Variants in KLHL7 observed in about 807,000 individuals in gnomAD.
KLHL7 encodes kelch like family member 7.
Under a neutral mutation model 67.4 loss-of-function variants are expected in KLHL7, and 44 were observed. That is an observed-to-expected ratio of 0.65 (90% confidence interval 0.51 to 0.84). The LOEUF (loss-of-function observed/expected upper bound fraction) is 0.84. Ranked by LOEUF, KLHL7 falls within the 40% of genes least tolerant of loss-of-function variation. KLHL7 has a pLI of 0.00. For missense variants in KLHL7, 362 were observed against 718.1 expected (o/e 0.50, Z 5.67); for synonymous variants, 252 against 243.3 (o/e 1.04, Z -0.33).
intron 6 of KLHL7, among the ~76,000 whole-genome samples, chr7:23,147,177 C>T (rs1784385953): frequency 6.6e-6 from 1 of 151,760 alleles, no homozygotes; most frequent in African/African-American, 2.4e-5. Context: ...GCAACCTCCA[C>T]CTCCTGGGTT....
chr7:23,129,130 A>T (rs1463880383), intron 4 of KLHL7: 3 of 163,628 alleles, frequency 1.8e-5, no homozygotes, highest in African/African-American at 7.2e-5. Context: ...CACAGGTCAG[A>T]CGAAAGCCCT....
At chr7:23,108,511 A>G (rs948453550) in intron 1 of KLHL7, among the ~76,000 whole-genome samples, 1 of 152,218 alleles carries the variant, frequency 6.6e-6, no homozygotes, top group Admixed American at 6.5e-5. Flanking sequence ...CAACAAGACG[A>G]GAACATGACC....
At chr7:23,127,991 A>G (rs1171870132) in intron 4 of KLHL7, among the ~76,000 whole-genome samples, 3 of 145,980 alleles carry the variant, frequency 2.1e-5, no homozygotes, top group Non-Finnish European at 4.5e-5. Flanking sequence ...TTAACCGGGC[A>G]TGGTTGTGCG....
At position 23,105,948 on chromosome 7, in the gene KLHL7, T is replaced by G; in HGVS notation, c.-79T>G. On this transcript the variant is annotated 5_prime_UTR_variant, in exon 1 of 11. Transcript: ENST00000339077. ...ACTGCCGATCGCCGTGTTTGGTCGA[T>G]AGAATCCCCAGTGTGCCCAGAGAGT... is the stretch of plus-strand genomic sequence containing the variant. 6.4e-7 allele frequency: 1 copy of G among 1,560,810 alleles called. No individual in the cohort carries two copies. The highest frequency in any genetic ancestry group is 8.6e-7 in the Non-Finnish European group (1 of 1,157,382).
At chr7:23,116,741 G>A (rs1278004169) in intron 1 of KLHL7, among the ~76,000 whole-genome samples, 4 of 152,146 alleles carry the variant, frequency 2.6e-5, no homozygotes, top group African/African-American at 7.2e-5. Flanking sequence ...TTGTGGGGAT[G>A]TCCAGCATAT....
At chr7:23,129,387 G>T in intron 4 of KLHL7, 1 of 385,644 alleles carries the variant, frequency 2.6e-6, no homozygotes, top group Non-Finnish European at 5.2e-6. Flanking sequence ...CCCAAATGAT[G>T]TTACGACTCG....
intron 1 of KLHL7, among the ~76,000 whole-genome samples, chr7:23,117,536 G>C (rs529189544): frequency 4.5e-4 from 68 of 152,116 alleles, no homozygotes; most frequent in Admixed American, 1.7e-3. Flanking sequence ...AAGCTGTTTG[G>C]CCTGACCTGG....
chr7:23,123,484 GAA>G (rs1161710933), intron 1 of KLHL7, among the ~76,000 whole-genome samples: 13 of 96,504 alleles, frequency 1.3e-4, no homozygotes, highest in Middle Eastern at 6.0e-3. Context: ...ATCTGTGTCA[GAA>G]AAAAAAAAAA....
intron 4 of KLHL7, among the ~76,000 whole-genome samples, chr7:23,126,981 C>G (rs1175080930): frequency 6.6e-6 from 1 of 152,174 alleles, no homozygotes; most frequent in East Asian, 1.9e-4. Flanking sequence ...ATGAGTCCTT[C>G]CATCTCTTTG....
Position 23,105,861 on chromosome 7 carries a change from T to C in KLHL7, c.-166T>C, listed in dbSNP as rs1249104370. 3.8e-6 allele frequency: 4 copies of C among 1,039,372 alleles called. No individual in the cohort carries two copies. In the Admixed American group the frequency reaches 6.2e-5, roughly 16 times the overall value. 64.4% of individuals were successfully genotyped at this position (1,039,372 alleles called of 1,614,324 possible). ...TCTAAGGGGGCCGCCCGGCCTTGTC[T>C]TTCGGCAGTGGCCGAGCCACCGCCG... On this transcript the variant is annotated 5_prime_UTR_variant, in exon 1 of 11. Transcript: ENST00000339077.
chr7:23,164,031 C>T (rs1468), intron 7 of KLHL7, among the ~76,000 whole-genome samples: 2,103 of 152,186 alleles, frequency 0.014, 22 homozygotes, highest in Admixed American at 0.016. Flanking sequence ...TTCCCTATTG[C>T]AGGGAGCAAT....
chr7:23,159,798 A>C (rs919461335), intron 7 of KLHL7, among the ~76,000 whole-genome samples: 8 of 152,188 alleles, frequency 5.3e-5, no homozygotes, highest in African/African-American at 1.7e-4. Context: ...CCAAAGTGCT[A>C]GGATTACAGC....
At chr7:23,113,027 G>T (rs1475830821) in intron 1 of KLHL7, among the ~76,000 whole-genome samples, 1 of 152,132 alleles carries the variant, frequency 6.6e-6, no homozygotes, top group Non-Finnish European at 1.5e-5. Flanking sequence ...GGGTGGCGGG[G>T]CAGTTCCTCT....
At chr7:23,163,320 G>A (rs1784906174) in intron 7 of KLHL7, among the ~76,000 whole-genome samples, 1 of 152,064 alleles carries the variant, frequency 6.6e-6, no homozygotes, top group African/African-American at 2.4e-5. Flanking sequence ...ACACGTGCCT[G>A]CCACCATGCC....
rs776788303 is a variant in KLHL7, at chr7:23,125,183, T to A, written c.442+11T>A. On this transcript the variant is annotated intron_variant, in intron 4 of 10. Coordinates refer to ENST00000339077, the MANE Select transcript of KLHL7 (RefSeq NM_001031710.3). ...CTTCAAATTGTCTTGGTAAGAAATATCAGATTCCTGTTGTGTGTTTATTTT... is the reference window on the plus strand; with the variant it reads ...CTTCAAATTGTCTTGGTAAGAAATAACAGATTCCTGTTGTGTGTTTATTTT... 4 of 1,612,488 alleles carry A rather than the reference T, an allele frequency of 2.5e-6. No homozygotes were observed. The highest frequency in any genetic ancestry group is 3.4e-6 in the Non-Finnish European group (4 of 1,178,920).
chr7:23,166,267 G>A (rs1376217468), intron 8 of KLHL7, among the ~76,000 whole-genome samples: 1 of 152,090 alleles, frequency 6.6e-6, no homozygotes, highest in Non-Finnish European at 1.5e-5. Context: ...TCAACTTATA[G>A]ACTCTTTAAG....
In KLHL7 at chr7:23,174,185, A is replaced by T. The variant is rs577616796; in HGVS notation, c.1648A>T (p.Thr550Ser). 9.2e-5 allele frequency: 149 copies of T among 1,614,168 alleles called. 2 individuals are homozygous for T. In the South Asian group the frequency reaches 1.5e-3, roughly 16 times the overall value. Reference sequence around the variant, plus strand: ...ATTAGGACACATTCTCGAATATAATACCGAAACAGACAAATGGGTTGCCAA... The same window carrying T: ...ATTAGGACACATTCTCGAATATAATTCCGAAACAGACAAATGGGTTGCCAA... ...GRLGHILEYNTETDKWVANSK... is the reference protein window; with the variant it reads ...GRLGHILEYNSETDKWVANSK... The change falls in exon 11 of 11, where the codon ACC becomes TCC. Residue 550 changes from threonine (T) to serine (S), a missense_variant. Thr to Ser is a moderately conservative substitution (Grantham distance 58). This residue lies in a region of KLHL7 where 136 missense variants were observed against 252.7 expected (regional missense o/e 0.54). Coordinates refer to ENST00000339077, the MANE Select transcript of KLHL7 (RefSeq NM_001031710.3).
intron 1 of KLHL7, among the ~76,000 whole-genome samples, chr7:23,120,025 A>G (rs1042352035): frequency 6.6e-6 from 1 of 151,856 alleles, no homozygotes; most frequent in African/African-American, 2.4e-5. Flanking sequence ...TATTTATTTT[A>G]TTTTATTTTT....
At chr7:23,159,878 C>T (rs943732879) in intron 7 of KLHL7, among the ~76,000 whole-genome samples, 2 of 152,158 alleles carry the variant, frequency 1.3e-5, no homozygotes, top group Admixed American at 6.5e-5. Context: ...TAAATCTTCT[C>T]AGGATTTGTG....
Sources: gnomAD v4.1 joint callset for allele counts (sites outside exome capture counted in the v4.1 genomes callset) on GRCh38, gnomAD v4.1.1 for gene constraint, gnomAD v4.1.1 regional missense constraint, MANE v1.5 for transcripts, NCBI Gene and HGNC (gene_info 2026-07-23, HGNC 2026-07-21) for gene names.